The following CSMD3 variants were observed in gnomAD, a reference collection of about 807,000 sequenced individuals.
CSMD3 encodes CUB and sushi domain-containing protein 3.
In CSMD3, 177 loss-of-function variants were observed where a neutral mutation model predicts 435.2. The ratio of observed to expected loss-of-function variants is 0.41; its 90% CI spans 0.36 to 0.46. The LOEUF (loss-of-function observed/expected upper bound fraction) is 0.46, where lower values mean the gene tolerates loss of function less well. Among genes scored for constraint, CSMD3 ranks in the 20% least tolerant of loss-of-function variants. The pLI, the probability that CSMD3 is intolerant of heterozygous loss-of-function variation, is 0.34. For synonymous variants in CSMD3, 1,656 were observed against 1,520.5 expected (o/e 1.09, Z -2.07); for missense variants, 4,265 against 4,504.6 (o/e 0.95, Z 1.52).
intron 1 of CSMD3, among the ~76,000 whole-genome samples, chr8:113,372,662 G>C (rs572263165): frequency 6.6e-6 from 1 of 152,102 alleles, no homozygotes; most frequent in African/African-American, 2.4e-5. Flanking sequence ...GGCCGGGCGC[G>C]GTGGCTCACG....
intron 31 of CSMD3, among the ~76,000 whole-genome samples, chr8:112,489,705 G>C (rs961884657): frequency 6.6e-6 from 1 of 152,008 alleles, no homozygotes; most frequent in Non-Finnish European, 1.5e-5. Flanking sequence ...AAAATTCATT[G>C]TTTAGTATTA....
intron 4 of CSMD3, among the ~76,000 whole-genome samples, chr8:113,106,658 G>A (rs553560360): frequency 6.6e-6 from 1 of 152,286 alleles, no homozygotes; most frequent in African/African-American, 2.4e-5. Context: ...ACGACTAGCT[G>A]AGATCCGAAA....
intron 31 of CSMD3, among the ~76,000 whole-genome samples, chr8:112,485,357 T>C (rs1193608018): frequency 6.6e-6 from 1 of 152,160 alleles, no homozygotes; most frequent in African/African-American, 2.4e-5. Context: ...TACACAGACA[T>C]AATTTACCAC....
At chr8:113,124,055 C>A (rs2091057917) in intron 4 of CSMD3, among the ~76,000 whole-genome samples, 1 of 152,010 alleles carries the variant, frequency 6.6e-6, no homozygotes, top group Admixed American at 6.6e-5. Context: ...CCTACATTTT[C>A]TCATATCCTT....
intron 3 of CSMD3, among the ~76,000 whole-genome samples, chr8:113,208,568 T>A (rs1289371268): frequency 6.6e-6 from 1 of 152,166 alleles, no homozygotes; most frequent in East Asian, 1.9e-4. Flanking sequence ...ATATCATATA[T>A]AAAAGATATC....
intron 4 of CSMD3, among the ~76,000 whole-genome samples, chr8:113,125,760 T>C (rs111624670): frequency 5.9e-5 from 9 of 152,026 alleles, no homozygotes; most frequent in African/African-American, 1.9e-4. Context: ...TGAAAATCAT[T>C]GGTGGCTTTT....
intron 3 of CSMD3, among the ~76,000 whole-genome samples, chr8:113,200,249 C>T (rs1032503843): frequency 6.6e-6 from 1 of 151,696 alleles, no homozygotes; most frequent in African/African-American, 2.4e-5. Flanking sequence ...TACCCCCAAA[C>T]TATACTGCAC....
At chr8:113,017,353 G>T (rs2086503016) in intron 6 of CSMD3, among the ~76,000 whole-genome samples, 1 of 151,912 alleles carries the variant, frequency 6.6e-6, no homozygotes, top group South Asian at 2.1e-4. Context: ...GTCTTATAGT[G>T]CAAAACAACC....
Position 112,295,862 on chromosome 8 carries a change from T to A in CSMD3, c.8585A>T (p.Asn2862Ile), listed in dbSNP as rs1563752066. The change falls in exon 54 of 71, where the codon AAT becomes ATT. Residue 2862 changes from asparagine to isoleucine, a missense_variant. By Grantham distance (149) the Asn-to-Ile change is moderately radical. Coordinates refer to ENST00000297405, the MANE Select transcript of CSMD3 (RefSeq NM_198123.2). ...ACAGGATGGGAGCTGACCAGACCAA[T>A]TGTGATCCTGTTGACATATCCTCAC... ...SSVRICQQDHNWSGQLPSCVP... is the reference protein window; with the variant it reads ...SSVRICQQDHIWSGQLPSCVP... The A allele has an allele frequency of 1.2e-6, 2 of 1,613,998 alleles. No individual in the cohort carries two copies. The highest frequency in any genetic ancestry group is 2.2e-5 in the South Asian group (2 of 91,068).
chr8:112,342,991 A>ATT (rs1563815448), intron 41 of CSMD3, among the ~76,000 whole-genome samples: 1 of 41,090 alleles, frequency 2.4e-5, no homozygotes, highest in African/African-American at 6.0e-5. Context: ...ATATATTTAT[A>ATT]TATATATATT....
In CSMD3 at chr8:112,990,281, G is replaced by T. The variant is rs947809641; in HGVS notation, c.1031-14133C>A. 8.6e-5 allele frequency among the ~76,000 whole-genome samples: 13 copies of T among 151,924 alleles called. No individual in the cohort carries two copies. In the Admixed American group the frequency reaches 8.6e-4, roughly 10 times the overall value. On this transcript the variant is annotated intron_variant, in intron 6 of 70. Coordinates refer to ENST00000297405, the MANE Select transcript of CSMD3 (RefSeq NM_198123.2). Reference sequence around the variant, plus strand: ...TACAAAACTGTGTTACGCCATATTGGACCTTCTATGATAGTCAACTATCTA... The same window carrying T: ...TACAAAACTGTGTTACGCCATATTGTACCTTCTATGATAGTCAACTATCTA...
At chr8:112,582,273 T>C (rs1311772554) in intron 23 of CSMD3, among the ~76,000 whole-genome samples, 2 of 152,042 alleles carry the variant, frequency 1.3e-5, no homozygotes, top group African/African-American at 2.4e-5. Flanking sequence ...CTGCCACAAT[T>C]GTGAGCTTCC....
chr8:112,493,494 C>T (rs377026444), intron 30 of CSMD3, among the ~76,000 whole-genome samples: 7 of 152,114 alleles, frequency 4.6e-5, no homozygotes, highest in African/African-American at 1.7e-4. Context: ...TTTTTCTTAC[C>T]CTATTTTCTC....
At chr8:112,998,804 T>G (rs1250836848) in intron 6 of CSMD3, among the ~76,000 whole-genome samples, 1 of 151,788 alleles carries the variant, frequency 6.6e-6, no homozygotes, top group Non-Finnish European at 1.5e-5. Flanking sequence ...GGTGATAGGG[T>G]TCTCATGAGA....
chr8:112,962,151 T>C lies in CSMD3; in HGVS notation c.1343-7390A>G, dbSNP rs575202043. Among the ~76,000 whole-genome samples the C allele has an allele frequency of 7.2e-5, 11 of 151,978 alleles. No homozygotes were observed. The South Asian group carries it at 1.7e-3, about 23-fold the overall frequency. On this transcript the variant is annotated intron_variant, in intron 7 of 70. Transcript: ENST00000297405. ...TAATATCCACTCAATTTATGCACTT[T>C]CTTGGGACTTTTTTTTTCTGATATA... is the stretch of plus-strand genomic sequence containing the variant.
At chr8:113,361,347 CTTGT>C (rs1221055550) in intron 1 of CSMD3, among the ~76,000 whole-genome samples, 2 of 152,008 alleles carry the variant, frequency 1.3e-5, no homozygotes, top group Non-Finnish European at 2.9e-5. Context: ...CAGTTGCACT[CTTGT>C]AATTAGGTAT....
chr8:112,940,211 G>C (rs2083410219), intron 9 of CSMD3, among the ~76,000 whole-genome samples: 1 of 151,712 alleles, frequency 6.6e-6, no homozygotes, highest in South Asian at 2.1e-4. Flanking sequence ...CAAATGAGTA[G>C]CATGTTCCCT....
At chr8:112,803,296 G>A (rs2079002586) in intron 12 of CSMD3, among the ~76,000 whole-genome samples, 1 of 152,072 alleles carries the variant, frequency 6.6e-6, no homozygotes, top group Admixed American at 6.5e-5. Flanking sequence ...CAAAGCAATG[G>A]TGTTTTAGAC....
chr8:112,228,726 C>A (rs570677446), intron 70 of CSMD3, 30 bp downstream of exon 70: 1 of 1,586,976 alleles, frequency 6.3e-7, no homozygotes. Context: ...ATTTGGGAAA[C>A]ATTTTGTAGT....
Sources: allele counts gnomAD v4.1 joint callset (sites outside exome capture counted in the v4.1 genomes callset), GRCh38; gene constraint gnomAD v4.1.1; transcripts MANE v1.5; gene names NCBI Gene and HGNC (gene_info 2026-07-23, HGNC 2026-07-21).